Variants in MALRD1 observed in about 807,000 individuals in gnomAD.
The protein encoded by MALRD1 is MAM and LDL-receptor class A domain-containing protein 1.
A neutral mutation model predicts 242.1 loss-of-function variants in MALRD1; 247 were observed. The observed-to-expected ratio is 1.02, with a 90% CI of 0.92 to 1.13. The LOEUF is 1.13. Among genes scored for constraint, MALRD1 ranks in the 50% most tolerant of loss-of-function variants. MALRD1 has a pLI of 0.00. For synonymous variants in MALRD1, 995 were observed against 866.6 expected, an observed-to-expected ratio of 1.15 and a Z score of -2.60; for missense variants, 2,989 against 2,533.1, an observed-to-expected ratio of 1.18 and a Z score of -3.86.
intron 36 of MALRD1, among the ~76,000 whole-genome samples, chr10:19,686,615 A>C (rs1686236445): frequency 6.6e-6 from 1 of 152,106 alleles, no homozygotes; most frequent in African/African-American, 2.4e-5. Context: ...ATTATTTTAG[A>C]GAGGCAGCTT....
At chr10:19,514,735 G>T (rs917783371) in intron 31 of MALRD1, among the ~76,000 whole-genome samples, 3 of 152,118 alleles carry the variant, frequency 2.0e-5, no homozygotes, top group African/African-American at 7.2e-5. Context: ...CAGACTGCAT[G>T]AAGTGTAGGA....
intron 38 of MALRD1, among the ~76,000 whole-genome samples, chr10:19,723,050 A>T (rs1051220603): frequency 9.9e-5 from 15 of 152,138 alleles, no homozygotes; most frequent in African/African-American, 3.4e-4. Context: ...CCACCATCTT[A>T]AGGGGTGAGT....
At chr10:19,428,198 T>A (rs1833975230) in intron 28 of MALRD1, among the ~76,000 whole-genome samples, 1 of 151,700 alleles carries the variant, frequency 6.6e-6, no homozygotes. Context: ...GTGGATGATC[T>A]CCAAGCGTTT....
chr10:19,424,669 T>G (rs1196607259), intron 28 of MALRD1, among the ~76,000 whole-genome samples: 1 of 152,224 alleles, frequency 6.6e-6, no homozygotes, highest in Non-Finnish European at 1.5e-5. Context: ...CATGGACAAT[T>G]CAGCATTGCC....
chr10:19,660,970 C>T (rs981047587), intron 36 of MALRD1, among the ~76,000 whole-genome samples: 3 of 152,056 alleles, frequency 2.0e-5, no homozygotes, highest in Admixed American at 6.6e-5. Context: ...AAAAAGTGGG[C>T]GAAGGATATG....
In MALRD1 at chr10:19,359,132, A is replaced by C. The variant is rs145335886; in HGVS notation, c.4441+6835A>C. On this transcript the variant is annotated intron_variant, in intron 26 of 39. Transcript: ENST00000454679. The stretch of plus-strand genomic sequence containing the variant: ...ACAAAACAGAACTGAGATTCAGAGA[A>C]GTTGATGAGTTGGCTGGATATGATG... Among the ~76,000 whole-genome samples, 31 of 152,300 alleles carry C rather than the reference A, an allele frequency of 2.0e-4. No homozygotes were observed. The East Asian group carries it at 5.8e-3, about 28-fold the overall frequency.
chr10:19,124,688 A>G lies in MALRD1; in HGVS notation c.943+18A>G, dbSNP rs536451467. Reference sequence around the variant, plus strand: ...TGATGAAGGTAGAAAAAAAAATAATATCTTTTATGTATTACTTTCAGAATT... The same window carrying G: ...TGATGAAGGTAGAAAAAAAAATAATGTCTTTTATGTATTACTTTCAGAATT... On this transcript the variant is annotated intron_variant, in intron 7 of 39. Coordinates refer to ENST00000454679, the MANE Select transcript of MALRD1 (RefSeq NM_001142308.3). 3.3e-5 allele frequency: 41 copies of G among 1,232,834 alleles called. No homozygotes were observed. Among genetic ancestry groups the G allele is most frequent in the Admixed American group, 4.2e-5 (1 of 23,682 alleles). 76.4% of individuals were successfully genotyped at this position (1,232,834 alleles called of 1,614,324 possible). A position where few individuals can be genotyped will look rare whatever the true frequency, so the allele number is the denominator to read the frequency against.
intron 18 of MALRD1, among the ~76,000 whole-genome samples, chr10:19,223,422 ATT>A (rs34473924): frequency 3.7e-4 from 55 of 149,738 alleles, no homozygotes; most frequent in African/African-American, 1.1e-3. Context: ...CTTCTAAGCA[ATT>A]TTTTTTTTTA....
Position 19,204,941 on chromosome 10 carries a change from C to A in MALRD1, c.2254C>A (p.Leu752Ile). 1.9e-6 allele frequency: 3 copies of A among 1,550,246 alleles called. No individual in the cohort carries two copies. The highest frequency in any genetic ancestry group is 1.7e-6 in the Non-Finnish European group (2 of 1,146,730). ...GLSVGAAELQLHMENSHDSTV... is the reference protein window; with the variant it reads ...GLSVGAAELQIHMENSHDSTV... Reference sequence around the variant, plus strand: ...GTCAGTGGGAGCAGCTGAGCTGCAGCTACATATGGAAAATTCTCATGACTC... The same window carrying A: ...GTCAGTGGGAGCAGCTGAGCTGCAGATACATATGGAAAATTCTCATGACTC... Residue 752 changes from leucine (L) to isoleucine (I), a missense_variant, in exon 17 of 40, where the codon CTA becomes ATA. Coordinates refer to ENST00000454679, the MANE Select transcript of MALRD1 (RefSeq NM_001142308.3).
rs190228633 is a variant in MALRD1 at position 19,277,696 on chromosome 10, T to A, written c.3080-2351T>A. Among the ~76,000 whole-genome samples the A allele has an allele frequency of 4.2e-4, 64 of 152,336 alleles. 1 individual carries two copies. In the South Asian group the frequency reaches 0.011, roughly 27 times the overall value. On this transcript the variant is annotated intron_variant, in intron 19 of 39. Coordinates refer to ENST00000454679, the MANE Select transcript of MALRD1 (RefSeq NM_001142308.3). ...AATAGGAAATTTTCTTCTTTAGCTATATCAATAAAAAGTTGATATTTTGAT... is the reference window on the plus strand; with the variant it reads ...AATAGGAAATTTTCTTCTTTAGCTAAATCAATAAAAAGTTGATATTTTGAT...
At chr10:19,101,562 G>T in intron 4 of MALRD1, among the ~76,000 whole-genome samples, 1 of 132,378 alleles carries the variant, frequency 7.6e-6, no homozygotes, top group East Asian at 2.2e-4. Context: ...TATATAATAT[G>T]TATATTGTAT....
At chr10:19,182,005 G>T (rs1234593477) in intron 14 of MALRD1, among the ~76,000 whole-genome samples, 1 of 151,972 alleles carries the variant, frequency 6.6e-6, no homozygotes, top group Non-Finnish European at 1.5e-5. Flanking sequence ...TAGAAAGTAG[G>T]TAAGTCCTCA....
intron 38 of MALRD1, among the ~76,000 whole-genome samples, chr10:19,706,697 C>T (rs2131860136): frequency 6.6e-6 from 1 of 152,030 alleles, no homozygotes; most frequent in Admixed American, 6.6e-5. Context: ...CTCCTGTCTC[C>T]CTCTCAGATC....
intron 36 of MALRD1, among the ~76,000 whole-genome samples, chr10:19,676,983 C>T (rs539992986): frequency 2.3e-4 from 35 of 152,194 alleles, no homozygotes; most frequent in African/African-American, 8.4e-4. Flanking sequence ...ATGTCCCTGC[C>T]AAGAACATGA....
chr10:19,356,998 A>G (rs1449420783), intron 26 of MALRD1, among the ~76,000 whole-genome samples: 1 of 151,728 alleles, frequency 6.6e-6, no homozygotes, highest in Non-Finnish European at 1.5e-5. Context: ...AATTCCAGCT[A>G]CCTGGGAGGC....
intron 24 of MALRD1, among the ~76,000 whole-genome samples, chr10:19,333,085 A>G (rs943859022): frequency 8.6e-5 from 13 of 151,990 alleles, no homozygotes; most frequent in Non-Finnish European, 1.3e-4. Flanking sequence ...ATTAGAACTC[A>G]AGTATTTTGA....
At chr10:19,294,685 A>G (rs932895923) in intron 21 of MALRD1, among the ~76,000 whole-genome samples, 17 of 152,168 alleles carry the variant, frequency 1.1e-4, no homozygotes, top group Non-Finnish European at 1.9e-4. Context: ...GGCATTCTCT[A>G]TCTTTGGATT....
chr10:19,112,130 T>C (rs1237915228), intron 5 of MALRD1, among the ~76,000 whole-genome samples: 1 of 150,222 alleles, frequency 6.7e-6, no homozygotes, highest in Non-Finnish European at 1.5e-5. Context: ...GGAGCCTGAA[T>C]TTTAAATAAG....
intron 28 of MALRD1, among the ~76,000 whole-genome samples, chr10:19,447,176 C>T (rs117642676): frequency 5.3e-5 from 8 of 151,640 alleles, no homozygotes; most frequent in East Asian, 3.9e-4. Flanking sequence ...TAAATTAGTA[C>T]GTCTCCAGGT....
Sources: gnomAD v4.1 joint callset for allele counts (sites outside exome capture counted in the v4.1 genomes callset) on GRCh38, gnomAD v4.1.1 for gene constraint, MANE v1.5 for transcripts, NCBI Gene and HGNC (gene_info 2026-07-23, HGNC 2026-07-21) for gene names.